SLC2A3: variants seen among roughly 807,000 people sequenced by gnomAD.
SLC2A3 encodes the protein solute carrier family 2, facilitated glucose transporter member 3.
Under a neutral mutation model 46.4 loss-of-function variants are expected in SLC2A3, and 21 were observed. That is an observed-to-expected ratio of 0.45 (90% CI 0.32 to 0.65). The LOEUF (loss-of-function observed/expected upper bound fraction) is 0.65. Among genes scored for constraint, SLC2A3 ranks in the 30% least tolerant of loss-of-function variants. The pLI is 0.04. For synonymous variants in SLC2A3, 213 were observed against 239.4 expected (o/e 0.89, Z 1.02); for missense variants, 499 against 623.3 (o/e 0.80, Z 2.12).
intron 4 of SLC2A3, among the ~76,000 whole-genome samples, 197 bp downstream of exon 4, chr12:7,931,048 G>A (rs773915619): frequency 6.1e-4 from 92 of 152,034 alleles, no homozygotes; most frequent in Non-Finnish European, 1.1e-3. Context: ...TGCCCACCTC[G>A]GCCTCCCAAA....
In SLC2A3 at chr12:7,932,731, C is replaced by A. The variant is rs781216077; in HGVS notation, c.269+256G>T. 1.7e-4 allele frequency: 73 copies of A among 427,508 alleles called. No individual in the cohort carries two copies. The East Asian group carries it at 2.3e-3, about 14-fold the overall frequency. 26.5% of individuals were successfully genotyped at this position (427,508 alleles called of 1,614,324 possible). A position where few individuals can be genotyped will look rare whatever the true frequency, so the allele number is the denominator to read the frequency against. ...TAGTTGAGTTTACTAGGGAATAATTCTGAACTATCCCTAGCTGGACTGCAA... is the reference window on the plus strand; with the variant it reads ...TAGTTGAGTTTACTAGGGAATAATTATGAACTATCCCTAGCTGGACTGCAA... On this transcript the variant is annotated intron_variant, in intron 3 of 9. Transcript: ENST00000075120.
In SLC2A3 at chr12:7,933,154, A is replaced by G. The variant is rs766230737; in HGVS notation, c.109-7T>C. The G allele has an allele frequency of 1.4e-5, 22 of 1,613,836 alleles. No individual in the cohort carries two copies. In the South Asian group the frequency reaches 2.3e-4, roughly 17 times the overall value. On this transcript the variant is annotated splice_polypyrimidine_tract_variant and splice_region_variant and intron_variant, in intron 2 of 9. Transcript: ENST00000075120. ...TGATAAATTCCTTTATGATCTGCAA[A>G]ATAAAAGGGTTGGTGGAAGAACAGA...
At chr12:7,931,092 G>A (rs947020713) in intron 4 of SLC2A3, among the ~76,000 whole-genome samples, 153 bp downstream of exon 4, 9 of 152,076 alleles carry the variant, frequency 5.9e-5, no homozygotes, top group Non-Finnish European at 1.0e-4. Context: ...CACAGCGCCC[G>A]GCCTCAGCCT....
In SLC2A3 at chr12:7,933,036, C is replaced by T; in HGVS notation, c.220G>A (p.Gly74Ser). The change falls in exon 3 of 10, where the codon GGT (glycine) becomes AGT (serine). Residue 74 changes from glycine (G) to serine (S), a missense_variant. Physicochemically the swap from Gly to Ser is moderately conservative, Grantham distance 56 (BLOSUM62 0). Coordinates refer to ENST00000075120, the MANE Select transcript of SLC2A3 (RefSeq NM_006931.3). ...SLSVAIFSVGGMIGSFSVGLF... is the reference protein window; with the variant it reads ...SLSVAIFSVGSMIGSFSVGLF... ...CCGACGGAAAAGGAGCCGATCATACCCCCGACGGAAAATATGGCCACAGAC... is the reference window on the plus strand; with the variant it reads ...CCGACGGAAAAGGAGCCGATCATACTCCCGACGGAAAATATGGCCACAGAC... 1 of 1,614,074 alleles carries T rather than the reference C, an allele frequency of 6.2e-7. No individual in the cohort carries two copies. Among genetic ancestry groups the T allele is most frequent in the Non-Finnish European group, 8.5e-7 (1 of 1,179,996 alleles).
chr12:7,933,583 A>T, intron 2 of SLC2A3: 1 of 533,624 alleles, frequency 1.9e-6, no homozygotes. Flanking sequence ...ATAGATACAA[A>T]GTTTGTCTTA....
At chr12:7,930,244 A>G in intron 5 of SLC2A3, 1 of 525,074 alleles carries the variant, frequency 1.9e-6, no homozygotes, top group South Asian at 2.5e-5. Context: ...GGCCTCTTAT[A>G]ATGCTGGATT....
rs1247531616 is a variant in SLC2A3 at position 7,933,045 on chromosome 12, A to T, written c.211T>A (p.Ser71Thr). 1 of 1,614,124 alleles carries T rather than the reference A, an allele frequency of 6.2e-7. No individual in the cohort carries two copies. The highest frequency in any genetic ancestry group is 1.3e-5 in the African/African-American group (1 of 75,024). Residue 71 changes from serine to threonine, a missense_variant, in exon 3 of 10, where the codon TCC (serine) becomes ACC (threonine). By Grantham distance (58) the Ser-to-Thr change is moderately conservative. Coordinates refer to ENST00000075120, the MANE Select transcript of SLC2A3 (RefSeq NM_006931.3). The part of the protein sequence containing the change: ...SLWSLSVAIF[S>T]VGGMIGSFSV... ...AAGGAGCCGATCATACCCCCGACGGAAAATATGGCCACAGACAAGGACCAG... is the reference window on the plus strand; with the variant it reads ...AAGGAGCCGATCATACCCCCGACGGTAAATATGGCCACAGACAAGGACCAG...
At chr12:7,933,487 C>T (rs7976243) in intron 2 of SLC2A3, 6 of 458,140 alleles carry the variant, frequency 1.3e-5, no homozygotes, top group Non-Finnish European at 2.4e-5. Context: ...CCCAGCGTTC[C>T]GGGAGTAAGT....
chr12:7,930,200 G>A, intron 5 of SLC2A3: 2 of 515,890 alleles, frequency 3.9e-6, no homozygotes, highest in Non-Finnish European at 6.5e-6. Context: ...GTTTCAGGCA[G>A]GTCTTGAACT....
intron 9 of SLC2A3, among the ~76,000 whole-genome samples, chr12:7,922,034 T>A (rs1009019199): frequency 6.6e-6 from 1 of 152,078 alleles, no homozygotes; most frequent in Non-Finnish European, 1.5e-5. Context: ...GAATTTTTTT[T>A]TTTTTGAGAC....
rs1255239229 is a variant in SLC2A3, at chr12:7,919,453, G to A, written c.*1960C>T. ...TTTTTTTTTTTTGAGACGGAGTCTC[G>A]CCCTGTGGCCCAGGCTAGAGTGCAA... On this transcript the variant is annotated 3_prime_UTR_variant, in exon 10 of 10. Coordinates refer to ENST00000075120, the MANE Select transcript of SLC2A3 (RefSeq NM_006931.3). The A allele has an allele frequency of 2.0e-5, 3 of 150,510 alleles. No homozygotes were observed. The highest frequency in any genetic ancestry group is 3.9e-4 in the East Asian group (2 of 5,130). 9.3% of individuals were successfully genotyped at this position (150,510 alleles called of 1,614,324 possible). A position where few individuals can be genotyped will look rare whatever the true frequency, so the allele number is the denominator to read the frequency against.
Position 7,929,662 on chromosome 12 carries a change from G to T in SLC2A3, c.861+22C>A, listed in dbSNP as rs377400714. On this transcript the variant is annotated intron_variant, in intron 6 of 9. Transcript: ENST00000075120. ...AAGTGAAATACTTTAAGACACGTTTGACCCTAAAGTATCACACTCACAGCA... is the reference window on the plus strand; with the variant it reads ...AAGTGAAATACTTTAAGACACGTTTTACCCTAAAGTATCACACTCACAGCA... 1.4e-4 allele frequency: 228 copies of T among 1,611,868 alleles called. 2 individuals are homozygous for T. The highest frequency in any genetic ancestry group is 1.7e-4 in the Non-Finnish European group (203 of 1,178,646).
intron 1 of SLC2A3, 122 bp downstream of exon 1, chr12:7,935,897 GA>G: frequency 2.4e-6 from 2 of 828,578 alleles, no homozygotes; most frequent in Non-Finnish European, 4.2e-6. Context: ...GAGACGAAAT[GA>G]AAAGGCCTTA....
intron 2 of SLC2A3, chr12:7,933,482 C>T (rs1946180263): frequency 1.3e-5 from 6 of 461,698 alleles, no homozygotes; most frequent in Admixed American, 3.7e-5. Flanking sequence ...CACCGCCCAG[C>T]GTTCCGGGAG....
Position 7,933,279 on chromosome 12 carries a change from G to A in SLC2A3, c.109-132C>T, listed in dbSNP as rs774593786. 65 of 1,006,770 alleles carry A rather than the reference G, an allele frequency of 6.5e-5. No individual in the cohort carries two copies. In the African/African-American group the frequency reaches 8.0e-4, roughly 12 times the overall value. The allele number at this position is 1,006,770 out of a possible 1,614,324, so 62.4% of individuals were successfully genotyped here. On this transcript the variant is annotated intron_variant, in intron 2 of 9. Coordinates refer to ENST00000075120, the MANE Select transcript of SLC2A3 (RefSeq NM_006931.3). ...GACAGGAATGGAAGGGGCAGATAAC[G>A]TATTGGAATTTATGTTAACTCTCGC...
intron 3 of SLC2A3, among the ~76,000 whole-genome samples, chr12:7,931,953 C>T: frequency 6.8e-6 from 1 of 147,494 alleles, no homozygotes; most frequent in Non-Finnish European, 1.5e-5. Flanking sequence ...AGGATCTCGG[C>T]TCACTGCAAC....
rs1396185130 is a variant in SLC2A3 at position 7,929,411 on chromosome 12, TAA to T, written c.861+271_861+272del. ...TATACTAGTTGTAAAAACAGACTGG[TAA>T]AGTCAGTTCACTCTGAAGTTGCCAG... is the stretch of plus-strand genomic sequence containing the variant. On this transcript the variant is annotated intron_variant, in intron 6 of 9. Transcript: ENST00000075120. 9 of 452,774 alleles carry T rather than the reference TAA, an allele frequency of 2.0e-5. No homozygotes were observed. The South Asian group carries it at 3.3e-4, about 17-fold the overall frequency. 28.0% of individuals were successfully genotyped at this position (452,774 alleles called of 1,614,324 possible).
At chr12:7,930,343 C>T (rs867288572) in intron 5 of SLC2A3, 137 bp downstream of exon 5, 4 of 945,262 alleles carry the variant, frequency 4.2e-6, no homozygotes, top group South Asian at 1.8e-5. Context: ...AAATTTTACT[C>T]AGGAGTAATC....
At chr12:7,922,762 A>G in intron 9 of SLC2A3, 59 bp downstream of exon 9, 4 of 1,607,070 alleles carry the variant, frequency 2.5e-6, no homozygotes, top group Non-Finnish European at 3.4e-6. Context: ...TGTATTATTA[A>G]GGAGTATCTT....
Sources: gnomAD v4.1 joint callset for allele counts (sites outside exome capture counted in the v4.1 genomes callset) on GRCh38, gnomAD v4.1.1 for gene constraint, MANE v1.5 for transcripts, NCBI Gene and HGNC (gene_info 2026-07-23, HGNC 2026-07-21) for gene names.